KCNT2: variants seen among roughly 807,000 people sequenced by gnomAD.
KCNT2 encodes potassium sodium-activated channel subfamily T member 2, also known as potassium channel subfamily T member 2.
Under a neutral mutation model 153.8 loss-of-function variants are expected in KCNT2, and 67 were observed. The ratio of observed to expected loss-of-function variants is 0.44; its 90% CI spans 0.36 to 0.53. The LOEUF is 0.53. KCNT2 is among the 20% of genes least tolerant of loss of function. The pLI is 0.00. For synonymous variants in KCNT2, 500 were observed against 458.8 expected (o/e 1.09, Z -1.15); for missense variants, 975 against 1,354.8 (o/e 0.72, Z 4.40).
chr1:196,593,610 A>C (rs1449938818), intron 1 of KCNT2, among the ~76,000 whole-genome samples: 1 of 151,910 alleles, frequency 6.6e-6, no homozygotes, highest in East Asian at 1.9e-4. Flanking sequence ...ATTTTCCATG[A>C]TGTGATTATT....
intron 8 of KCNT2, among the ~76,000 whole-genome samples, chr1:196,436,614 C>CCA (rs1674681490): frequency 6.6e-6 from 1 of 151,304 alleles, no homozygotes; most frequent in African/African-American, 2.4e-5. Context: ...GTTTCATTCA[C>CCA]ACATGTCTTT....
intron 12 of KCNT2, among the ~76,000 whole-genome samples, chr1:196,420,953 G>A (rs1673151797): frequency 6.6e-6 from 1 of 151,992 alleles, no homozygotes; most frequent in Non-Finnish European, 1.5e-5. Flanking sequence ...TTTTCTTATA[G>A]ACTTCTAACC....
At chr1:196,570,636 G>A (rs541847785) in intron 1 of KCNT2, among the ~76,000 whole-genome samples, 4 of 152,164 alleles carry the variant, frequency 2.6e-5, no homozygotes, top group South Asian at 2.1e-4. Flanking sequence ...TACTCAAAGA[G>A]TCTACAGCAG....
At chr1:196,601,076 A>G (rs1268813364) in intron 1 of KCNT2, among the ~76,000 whole-genome samples, 1 of 152,214 alleles carries the variant, frequency 6.6e-6, no homozygotes, top group Non-Finnish European at 1.5e-5. Flanking sequence ...CTCCAGACCC[A>G]TACTTCCAAA....
At chr1:196,426,018 GAAAC>G in intron 10 of KCNT2, 30 bp from the exon 11 acceptor site, 1 of 1,586,092 alleles carries the variant, frequency 6.3e-7, no homozygotes, top group Non-Finnish European at 8.6e-7. Context: ...CAATGGAATA[GAAAC>G]AAAAATGTTT....
intron 8 of KCNT2, among the ~76,000 whole-genome samples, chr1:196,451,217 C>CTTTTTTTTTTTTTTTTTTTTTTTTTT (rs561944079): frequency 2.2e-4 from 14 of 63,558 alleles, no homozygotes; most frequent in Admixed American, 8.2e-4. Context: ...ATCCCTCTTT[C>CTTTTTTTTTTTTTTTTTTTTTTTTTT]TTTTTTTTTT....
At chr1:196,467,272 G>T (rs1234556696) in intron 7 of KCNT2, among the ~76,000 whole-genome samples, 3 of 151,998 alleles carry the variant, frequency 2.0e-5, no homozygotes, top group Non-Finnish European at 4.4e-5. Context: ...GAGAAATTCT[G>T]AACCATTTTT....
At chr1:196,258,063 TG>T in intron 26 of KCNT2, 130 bp downstream of exon 26, 2 of 1,444,218 alleles carry the variant, frequency 1.4e-6, no homozygotes, top group Non-Finnish European at 9.1e-7. Context: ...GGAGATCAGA[TG>T]TATCACTAGT....
intron 8 of KCNT2, among the ~76,000 whole-genome samples, chr1:196,431,084 C>A (rs534439831): frequency 1.3e-5 from 2 of 152,232 alleles, no homozygotes; most frequent in East Asian, 3.9e-4. Context: ...TGTGAAGACA[C>A]GCCACAATGC....
Position 196,492,273 on chromosome 1 carries a change from T to G in KCNT2, c.164A>C (p.Asn55Thr). Residue 55 changes from asparagine to threonine, a missense_variant, in exon 2 of 28, where the codon AAC becomes ACC. Around this residue, in one of 6 missense-constraint regions of KCNT2, gnomAD observed 140 missense variants for 216.0 expected, o/e 0.65. Coordinates refer to ENST00000294725, the MANE Select transcript of KCNT2 (RefSeq NM_198503.5). Reference sequence around the variant, plus strand: ...AATGAATAACTTACTTGATCTCTGGTTTTTTATGAAAAATAATTTTAGTCT... The same window carrying G: ...AATGAATAACTTACTTGATCTCTGGGTTTTTATGAAAAATAATTTTAGTCT... ...KERLKLFFIKNQRSSLRIRLF... is the reference protein window; with the variant it reads ...KERLKLFFIKTQRSSLRIRLF... 1 of 1,424,982 alleles carries G rather than the reference T, an allele frequency of 7.0e-7. No individual in the cohort carries two copies. Among genetic ancestry groups the G allele is most frequent in the Non-Finnish European group, 9.4e-7 (1 of 1,067,302 alleles). 88.3% of individuals were successfully genotyped at this position (1,424,982 alleles called of 1,614,324 possible).
chr1:196,518,501 G>C (rs1418352725), intron 1 of KCNT2, among the ~76,000 whole-genome samples: 1 of 129,334 alleles, frequency 7.7e-6, no homozygotes, highest in African/African-American at 2.8e-5. Context: ...AAAAAAGCAA[G>C]ATCCAATGGT....
At chr1:196,487,500 C>T (rs1679528779) in intron 3 of KCNT2, among the ~76,000 whole-genome samples, 1 of 151,074 alleles carries the variant, frequency 6.6e-6, no homozygotes, top group Non-Finnish European at 1.5e-5. Flanking sequence ...AGAAAAGGTT[C>T]ACAATGACCA....
intron 1 of KCNT2, among the ~76,000 whole-genome samples, chr1:196,579,655 G>T (rs1443314314): frequency 6.6e-6 from 1 of 151,798 alleles, no homozygotes; most frequent in Admixed American, 6.6e-5. Flanking sequence ...ACCACACCTG[G>T]CTAATTTTTG....
chr1:196,449,807 A>G (rs2148614914), intron 8 of KCNT2, among the ~76,000 whole-genome samples: 1 of 151,888 alleles, frequency 6.6e-6, no homozygotes, highest in East Asian at 2.0e-4. Flanking sequence ...AAAAGGCACT[A>G]ATAAAGAAAA....
chr1:196,448,657 C>T (rs1377964720), intron 8 of KCNT2, among the ~76,000 whole-genome samples: 1 of 151,534 alleles, frequency 6.6e-6, no homozygotes, highest in Non-Finnish European at 1.5e-5. Flanking sequence ...ACTTTAAAAG[C>T]TGTCTCAAAT....
intron 14 of KCNT2, among the ~76,000 whole-genome samples, chr1:196,352,778 G>T (rs564864240): frequency 6.6e-6 from 1 of 151,918 alleles, no homozygotes; most frequent in Non-Finnish European, 1.5e-5. Flanking sequence ...TGCTTTTCTA[G>T]TTCTTTTAAT....
chr1:196,549,981 G>A (rs187491486), intron 1 of KCNT2, among the ~76,000 whole-genome samples: 1 of 151,972 alleles, frequency 6.6e-6, no homozygotes, highest in Non-Finnish European at 1.5e-5. Context: ...AGGCCCCAAA[G>A]ACAGACATCA....
intron 5 of KCNT2, among the ~76,000 whole-genome samples, chr1:196,471,724 T>C (rs1396259026): frequency 6.6e-6 from 1 of 152,172 alleles, no homozygotes; most frequent in Admixed American, 6.5e-5. Context: ...TTATCTCTCT[T>C]ATGTCTCTCT....
intron 8 of KCNT2, among the ~76,000 whole-genome samples, chr1:196,437,507 A>C (rs920014181): frequency 4.1e-4 from 61 of 148,416 alleles, no homozygotes; most frequent in Admixed American, 3.6e-3. Context: ...TTTTAAATTA[A>C]AAATTTTTTT....
Sources: allele counts gnomAD v4.1 joint callset (sites outside exome capture counted in the v4.1 genomes callset), GRCh38; gene constraint gnomAD v4.1.1; regional missense constraint gnomAD v4.1.1; transcripts MANE v1.5; gene names NCBI Gene and HGNC (gene_info 2026-07-23, HGNC 2026-07-21).